Variants in NGEF observed in about 807,000 individuals in gnomAD.
The protein encoded by NGEF is ephexin-1.
In NGEF, 31 loss-of-function variants were observed where a neutral mutation model predicts 80.9. That is an observed-to-expected ratio of 0.38 (90% CI 0.29 to 0.52). The LOEUF (loss-of-function observed/expected upper bound fraction) is 0.52. Among genes scored for constraint, NGEF ranks in the 20% least tolerant of loss-of-function variants. The pLI is 0.84. For synonymous variants in NGEF, 371 were observed against 370.2 expected (o/e 1.00, Z -0.03); for missense variants, 709 against 926.2 (o/e 0.77, Z 3.04).
At chr2:232,928,009 G>A in intron 3 of NGEF, 2 of 1,221,312 alleles carry the variant, frequency 1.6e-6, no homozygotes, top group Non-Finnish European at 2.0e-6. Flanking sequence ...TAGGGTCGGC[G>A]GCGGGGCGGG....
chr2:232,881,485 G>T (rs1044820085), intron 13 of NGEF, among the ~76,000 whole-genome samples: 38 of 152,184 alleles, frequency 2.5e-4, no homozygotes, highest in African/African-American at 6.8e-4. Context: ...TTAAACTTCA[G>T]AAGGAACTTT....
rs569720556 is a variant in NGEF, at chr2:232,992,433, C to T, written c.-74-17469G>A. ...ATTAGCTAAGCGTGGTGGTGCACAC[C>T]TGTAATACCAGCTACTTGGGAGACT... On this transcript the variant is annotated intron_variant, in intron 1 of 14. Transcript: ENST00000264051. Among the ~76,000 whole-genome samples, 3 of 152,186 alleles carry T rather than the reference C, an allele frequency of 2.0e-5. No individual in the cohort carries two copies. The South Asian group carries it at 6.2e-4, about 32-fold the overall frequency.
chr2:232,883,021 G>T (rs1691557789), intron 12 of NGEF, among the ~76,000 whole-genome samples: 1 of 151,926 alleles, frequency 6.6e-6, no homozygotes, highest in Non-Finnish European at 1.5e-5. Flanking sequence ...TCCAAAAAGA[G>T]GGACTCGCCC....
At position 232,992,703 on chromosome 2, in the gene NGEF, G is replaced by A. The variant is rs577983665; in HGVS notation, c.-74-17739C>T. 7.9e-5 allele frequency among the ~76,000 whole-genome samples: 12 copies of A among 151,686 alleles called. No individual in the cohort carries two copies. In the South Asian group the frequency reaches 1.0e-3, roughly 13 times the overall value. Reference sequence around the variant, plus strand: ...ATAAAAAATAACCCAATTAAAATACGGGGCTGGGAACAGTGGCTCACATCT... The same window carrying A: ...ATAAAAAATAACCCAATTAAAATACAGGGCTGGGAACAGTGGCTCACATCT... On this transcript the variant is annotated intron_variant, in intron 1 of 14. Transcript: ENST00000264051.
chr2:232,944,361 A>C (rs1693505588), intron 3 of NGEF, among the ~76,000 whole-genome samples: 1 of 152,232 alleles, frequency 6.6e-6, no homozygotes, highest in African/African-American at 2.4e-5. Flanking sequence ...GATATGCACA[A>C]GGTTATTCAT....
At chr2:232,913,581 T>C (rs192993594) in intron 5 of NGEF, among the ~76,000 whole-genome samples, 1 of 152,344 alleles carries the variant, frequency 6.6e-6, no homozygotes, top group Admixed American at 6.5e-5. Flanking sequence ...GACTGTATAT[T>C]GACTATATTT....
chr2:232,936,717 G>C (rs994147186), intron 3 of NGEF, among the ~76,000 whole-genome samples: 1 of 152,238 alleles, frequency 6.6e-6, no homozygotes, highest in Admixed American at 6.5e-5. Context: ...GAAGCTTCGT[G>C]AGTAGAACTT....
rs1695232735 is a variant in NGEF at position 233,012,514 on chromosome 2, T to C, written c.-75+554A>G. On this transcript the variant is annotated intron_variant, in intron 1 of 14. Transcript: ENST00000264051. The stretch of plus-strand genomic sequence containing the variant: ...GCGCAGTGGGCTGTCACTTCACGAC[T>C]ATGACTTCTGTTTCCCAAGTGCACT... 6.4e-5 allele frequency: 15 copies of C among 232,854 alleles called. No individual in the cohort carries two copies. The South Asian group carries it at 7.8e-4, about 12-fold the overall frequency. The allele number at this position is 232,854 out of a possible 1,614,324, so 14.4% of individuals were successfully genotyped here.
At position 232,893,054 on chromosome 2, in the gene NGEF, C is replaced by G; in HGVS notation, c.990-4G>C. ...GTGCTCCAGCTCCAGGAGGAACCTA[C>G]GAGAGGCAGCGGCTTGAGGCGGAGG... is the stretch of plus-strand genomic sequence containing the variant. On this transcript the variant is annotated splice_polypyrimidine_tract_variant and splice_region_variant and intron_variant, in intron 6 of 14. Coordinates refer to ENST00000264051, the MANE Select transcript of NGEF (RefSeq NM_019850.3). 1 of 1,609,452 alleles carries G rather than the reference C, an allele frequency of 6.2e-7. No homozygotes were observed. The highest frequency in any genetic ancestry group is 8.5e-7 in the Non-Finnish European group (1 of 1,177,336).
At chr2:232,916,436 C>T (rs537621959) in intron 5 of NGEF, among the ~76,000 whole-genome samples, 9 of 152,116 alleles carry the variant, frequency 5.9e-5, no homozygotes, top group Non-Finnish European at 1.0e-4. Flanking sequence ...CTTATATTAT[C>T]GTGCAGGAGA....
At chr2:232,942,115 A>G (rs892902722) in intron 3 of NGEF, among the ~76,000 whole-genome samples, 1 of 152,200 alleles carries the variant, frequency 6.6e-6, no homozygotes. Context: ...GCCCTCCTGC[A>G]TGGCTGCATC....
intron 1 of NGEF, among the ~76,000 whole-genome samples, chr2:233,006,386 T>A (rs2106346537): frequency 6.6e-6 from 1 of 152,182 alleles, no homozygotes; most frequent in Middle Eastern, 3.4e-3. Flanking sequence ...CAAGGGAGAT[T>A]TGGGGGTTGT....
chr2:232,983,148 A>G (rs1472336816), intron 1 of NGEF, among the ~76,000 whole-genome samples: 1 of 152,178 alleles, frequency 6.6e-6, no homozygotes, highest in Admixed American at 6.5e-5. Flanking sequence ...GATCCTGGAA[A>G]AATCTTAAGT....
At chr2:232,901,625 C>A (rs969831617) in intron 5 of NGEF, among the ~76,000 whole-genome samples, 1 of 152,228 alleles carries the variant, frequency 6.6e-6, no homozygotes, top group Non-Finnish European at 1.5e-5. Context: ...GGAAACAAAA[C>A]GTAGCCCCTT....
intron 1 of NGEF, among the ~76,000 whole-genome samples, chr2:233,008,535 G>T (rs1209817294): frequency 6.6e-6 from 1 of 152,232 alleles, no homozygotes; most frequent in African/African-American, 2.4e-5. Context: ...TGGCCACTTT[G>T]GGGCGGGACC....
chr2:232,976,553 C>G (rs988249100), intron 1 of NGEF, among the ~76,000 whole-genome samples: 3 of 152,210 alleles, frequency 2.0e-5, no homozygotes, highest in African/African-American at 7.2e-5. Context: ...GATTTGAAGA[C>G]TGAAGGCCAC....
intron 1 of NGEF, among the ~76,000 whole-genome samples, chr2:232,993,031 A>G (rs924990686): frequency 1.4e-5 from 2 of 142,574 alleles, no homozygotes; most frequent in Admixed American, 7.5e-5. Flanking sequence ...GCACATAAAT[A>G]TATAAATATA....
Position 232,893,056 on chromosome 2 carries a change from AG to A in NGEF, c.990-7del, listed in dbSNP as rs760830857. 41 of 1,609,590 alleles carry A rather than the reference AG, an allele frequency of 2.5e-5. No individual in the cohort carries two copies. The Admixed American group carries it at 4.2e-4, about 16-fold the overall frequency. On this transcript the variant is annotated splice_polypyrimidine_tract_variant and splice_region_variant and intron_variant, in intron 6 of 14. Coordinates refer to ENST00000264051, the MANE Select transcript of NGEF (RefSeq NM_019850.3). Reference sequence around the variant, plus strand: ...GCTCCAGCTCCAGGAGGAACCTACGAGAGGCAGCGGCTTGAGGCGGAGGGTG... The same window carrying A: ...GCTCCAGCTCCAGGAGGAACCTACGAAGGCAGCGGCTTGAGGCGGAGGGTG...
intron 4 of NGEF, among the ~76,000 whole-genome samples, chr2:232,921,772 C>A (rs1381811977): frequency 6.6e-6 from 1 of 152,184 alleles, no homozygotes; most frequent in East Asian, 1.9e-4. Context: ...AACCCCTGTG[C>A]CTGGTCCTGT....
Sources: allele counts gnomAD v4.1 joint callset (sites outside exome capture counted in the v4.1 genomes callset), GRCh38; gene constraint gnomAD v4.1.1; transcripts MANE v1.5; gene names NCBI Gene and HGNC (gene_info 2026-07-23, HGNC 2026-07-21).